C1orf141: variants seen among roughly 807,000 people sequenced by gnomAD.
The protein encoded by C1orf141 is uncharacterized protein C1orf141.
A neutral mutation model predicts 23.2 loss-of-function variants in C1orf141; 19 were observed. The ratio of observed to expected loss-of-function variants is 0.82; its 90% CI spans 0.57 to 1.20. The LOEUF (loss-of-function observed/expected upper bound fraction) is 1.20. Among genes scored for constraint, C1orf141 ranks in the 50% most tolerant of loss-of-function variants. The pLI, the probability that C1orf141 is intolerant of heterozygous loss-of-function variation, is 0.00. For synonymous variants in C1orf141, 153 were observed against 154.6 expected (o/e 0.99, Z 0.08); for missense variants, 469 against 455.1 (o/e 1.03, Z -0.28).
Position 67,093,303 on chromosome 1 carries a change from T to C in C1orf141, c.905A>G (p.Asn302Ser), listed in dbSNP as rs1404341570. The change falls in exon 8 of 8, where the codon AAT becomes AGT. Residue 302 changes from asparagine (N) to serine (S), a missense_variant. Asn to Ser is a conservative substitution (Grantham distance 46, BLOSUM62 1). Transcript: ENST00000684719. ...AGATCTGTTTTCTAGTGTCTGCTTA[T>C]TAGTTTTCTTCTTTAGTTTATCATC... ...TVDDKLKKKT[N>S]KQTLENRSWN... is the part of the protein sequence containing the mutation. The C allele has an allele frequency of 2.5e-6, 4 of 1,613,614 alleles. No individual in the cohort carries two copies. The highest frequency in any genetic ancestry group is 3.4e-6 in the Non-Finnish European group (4 of 1,179,670).
At chr1:67,133,689 G>T (rs1264898260) in intron 1 of C1orf141, among the ~76,000 whole-genome samples, 4 of 152,146 alleles carry the variant, frequency 2.6e-5, no homozygotes, top group East Asian at 3.9e-4. Flanking sequence ...TATGACTGGT[G>T]TCATATAAGA....
At chr1:67,102,402 C>T (rs1259928599) in intron 5 of C1orf141, among the ~76,000 whole-genome samples, 1 of 151,078 alleles carries the variant, frequency 6.6e-6, no homozygotes, top group African/African-American at 2.4e-5. Context: ...AAAAAGTGAT[C>T]TAAGCCAATG....
intron 7 of C1orf141, chr1:67,094,892 C>T (rs1645638559): frequency 5.8e-6 from 1 of 173,150 alleles, no homozygotes; most frequent in Non-Finnish European, 1.2e-5. Context: ...GCCTCAGACT[C>T]CAGAGTAGCG....
At chr1:67,136,190 G>T (rs1381600320), upstream of C1orf141, among the ~76,000 whole-genome samples, 1 of 151,996 alleles carries the variant, frequency 6.6e-6, no homozygotes, top group African/African-American at 2.4e-5. Context: ...ATGCCACTAT[G>T]CCAGGCTAAT....
At chr1:67,111,697 C>T (rs1646076485) in intron 5 of C1orf141, 6 of 776,228 alleles carry the variant, frequency 7.7e-6, no homozygotes, top group Non-Finnish European at 1.2e-5. Flanking sequence ...TCTAATTAAA[C>T]CCAATCAACC....
intron 5 of C1orf141, among the ~76,000 whole-genome samples, chr1:67,114,439 A>T (rs1399010393): frequency 1.3e-5 from 2 of 152,208 alleles, no homozygotes; most frequent in African/African-American, 2.4e-5. Context: ...GAATCATGAG[A>T]AATAAAATAA....
intron 1 of C1orf141, among the ~76,000 whole-genome samples, chr1:67,140,715 A>G (rs188345768): frequency 2.0e-3 from 299 of 152,302 alleles, no homozygotes; most frequent in African/African-American, 6.8e-3. Flanking sequence ...CAAAACTTGT[A>G]ACGATGATTT....
At position 67,132,122 on chromosome 1, in the gene C1orf141, G is replaced by A. The variant is rs564780586; in HGVS notation, c.-103-895C>T. 8.6e-5 allele frequency among the ~76,000 whole-genome samples: 13 copies of A among 151,308 alleles called. No individual in the cohort carries two copies. The South Asian group carries it at 2.3e-3, about 27-fold the overall frequency. ...TTGGCATTGTCTCATTCCTTGTCTC[G>A]GTGACAGTCTATTTATTGTGTGCTC... is the stretch of plus-strand genomic sequence containing the variant. On this transcript the variant is annotated intron_variant, in intron 1 of 7. Coordinates refer to ENST00000684719, the MANE Select transcript of C1orf141 (RefSeq NM_001276351.2).
rs779535293 is a variant in C1orf141 at position 67,095,423 on chromosome 1, T to A, written c.417-2A>T. 6.7e-7 allele frequency: 1 copy of A among 1,503,542 alleles called. No individual in the cohort carries two copies. Among genetic ancestry groups the A allele is most frequent in the South Asian group, 1.3e-5 (1 of 78,728 alleles). The allele number at this position is 1,503,542 out of a possible 1,614,324, so 93.1% of individuals were successfully genotyped here. Reference sequence around the variant, plus strand: ...TCGTTCATCTGTGGAGATTTTTTTCTGAAAATAAACACAGTTCAGGGTAGT... The same window carrying A: ...TCGTTCATCTGTGGAGATTTTTTTCAGAAAATAAACACAGTTCAGGGTAGT... On this transcript the variant is annotated splice_acceptor_variant, in intron 6 of 7. Transcript: ENST00000684719. LOFTEE classifies it high-confidence loss of function.
rs553157471 is a variant in C1orf141 at position 67,092,919 on chromosome 1, T to C, written c.*86A>G. 1.4e-4 allele frequency: 143 copies of C among 1,045,410 alleles called. 1 individual carries two copies. The African/African-American group carries it at 2.1e-3, about 15-fold the overall frequency. The allele number at this position is 1,045,410 out of a possible 1,614,324, so 64.8% of individuals were successfully genotyped here. On this transcript the variant is annotated 3_prime_UTR_variant, in exon 8 of 8. Transcript: ENST00000684719. ...TTTCTTATATGATCAATTAGAACAT[T>C]ACTATTTGGATAAGAATTTCTTTTA...
chr1:67,107,624 C>T (rs1358339397), intron 5 of C1orf141, among the ~76,000 whole-genome samples: 1 of 152,202 alleles, frequency 6.6e-6, no homozygotes, highest in Admixed American at 6.5e-5. Flanking sequence ...CATAGTGGCT[C>T]ACGCCTGTAA....
At chr1:67,122,578 G>A (rs1646320295) in intron 4 of C1orf141, 1 of 152,058 alleles carries the variant, frequency 6.6e-6, no homozygotes, top group Admixed American at 6.6e-5. Context: ...CTTCAAAGTG[G>A]TACTTTTGTA....
At chr1:67,105,617 T>C (rs893783560) in intron 5 of C1orf141, among the ~76,000 whole-genome samples, 2 of 151,896 alleles carry the variant, frequency 1.3e-5, no homozygotes, top group Non-Finnish European at 2.9e-5. Flanking sequence ...CAAAATGCTC[T>C]AGACAAAATA....
intron 7 of C1orf141, chr1:67,094,846 G>C (rs1395134111): frequency 6.2e-6 from 1 of 161,230 alleles, no homozygotes; most frequent in Non-Finnish European, 1.3e-5. Flanking sequence ...TATTGCTCAG[G>C]CTGGATTCAA....
rs1314916858 is a variant in C1orf141 at position 67,092,441 on chromosome 1, G to T, written c.*564C>A. The stretch of plus-strand genomic sequence containing the variant: ...TTTAACAATTTAGAAAAAAGTTAAA[G>T]TTTGCAAAAACATTATATAATAATG... On this transcript the variant is annotated 3_prime_UTR_variant, in exon 8 of 8. Coordinates refer to ENST00000684719, the MANE Select transcript of C1orf141 (RefSeq NM_001276351.2). 6.6e-6 allele frequency: 1 copy of T among 152,124 alleles called. No individual in the cohort carries two copies. The highest frequency in any genetic ancestry group is 1.5e-5 in the Non-Finnish European group (1 of 67,996). The allele number at this position is 152,124 out of a possible 1,614,324, so 9.4% of individuals were successfully genotyped here. A position where few individuals can be genotyped will look rare whatever the true frequency, so the allele number is the denominator to read the frequency against.
intron 5 of C1orf141, among the ~76,000 whole-genome samples, chr1:67,108,200 TCTC>T (rs1209576609): frequency 6.6e-6 from 1 of 152,160 alleles, no homozygotes; most frequent in Non-Finnish European, 1.5e-5. Flanking sequence ...AAAATTTACT[TCTC>T]ACAATTTTCA....
chr1:67,129,495 G>A (rs913615900), intron 2 of C1orf141, among the ~76,000 whole-genome samples: 6 of 151,988 alleles, frequency 3.9e-5, no homozygotes, highest in African/African-American at 1.5e-4. Context: ...GGAAATTCTG[G>A]GCCATGGGGG....
At chr1:67,132,877 G>T (rs138260385) in intron 1 of C1orf141, among the ~76,000 whole-genome samples, 4 of 152,166 alleles carry the variant, frequency 2.6e-5, no homozygotes, top group Non-Finnish European at 4.4e-5. Flanking sequence ...GCACAGTAGT[G>T]ACAGTTTTTT....
At chr1:67,103,275 A>G in intron 5 of C1orf141, 1 of 1,479,158 alleles carries the variant, frequency 6.8e-7, no homozygotes, top group Non-Finnish European at 9.1e-7. Flanking sequence ...TTTTATGAGC[A>G]TTAGACTGAA....
Sources: allele counts gnomAD v4.1 joint callset (sites outside exome capture counted in the v4.1 genomes callset), GRCh38; gene constraint gnomAD v4.1.1; transcripts MANE v1.5; gene names NCBI Gene and HGNC (gene_info 2026-07-23, HGNC 2026-07-21).